The following PABIR3 variants were observed in gnomAD, a reference collection of about 807,000 sequenced individuals.
The protein encoded by PABIR3 is PABIR family member 1.
Under a neutral mutation model 23.1 loss-of-function variants are expected in PABIR3, and 20 were observed. The ratio of observed to expected loss-of-function variants is 0.86; its 90% CI spans 0.61 to 1.26. The LOEUF is 1.26. PABIR3 is among the 50% of genes most tolerant of loss of function. The probability of loss-of-function intolerance (pLI) is 0.00; values close to 1 mark genes in which losing one functional copy is unlikely to be tolerated. For synonymous variants in PABIR3, 69 were observed against 68.5 expected (o/e 1.01, Z -0.04); for missense variants, 189 against 195.4 (o/e 0.97, Z 0.20).
chrX:134,803,905 G>GT (rs766676054), upstream of PABIR3, among the ~76,000 whole-genome samples: 1,060 of 98,608 alleles, frequency 0.011, 16 homozygotes, highest in African/African-American at 0.025. Context: ...TTGCCTGCTA[G>GT]TTTTTTTTTT....
rs755847156 is a variant in PABIR3 at position 134,834,943 on chromosome X, A to G, written c.246+5661A>G. Among the ~76,000 whole-genome samples the G allele has an allele frequency of 6.2e-5, 7 of 112,182 alleles. No homozygotes were observed. In the East Asian group the frequency reaches 1.9e-3, roughly 31 times the overall value. Reference sequence around the variant, plus strand: ...GTTTTTTGTTCCATGCCTCTTATTTATTGAAGAAACCAGGGAGTCCATTTG... The same window carrying G: ...GTTTTTTGTTCCATGCCTCTTATTTGTTGAAGAAACCAGGGAGTCCATTTG... On this transcript the variant is annotated intron_variant, in intron 4 of 10. Transcript: ENST00000645433.
intron 1 of PABIR3, chrX:134,799,899 C>T (rs189161768): frequency 0.015 from 1,637 of 108,797 alleles, 11 homozygotes; most frequent in Non-Finnish European, 0.023. Flanking sequence ...ACCTGGGAGG[C>T]GGAGGTTGCA....
At chrX:134,844,706 T>C (rs1569460627) in intron 4 of PABIR3, among the ~76,000 whole-genome samples, 1 of 111,878 alleles carries the variant, frequency 8.9e-6, no homozygotes, top group East Asian at 2.8e-4. Flanking sequence ...TATGTAATAG[T>C]TGTTTTCTGA....
chrX:134,857,623 G>A (rs1268603101), downstream of PABIR3, among the ~76,000 whole-genome samples: 12 of 110,594 alleles, frequency 1.1e-4, no homozygotes, highest in Admixed American at 9.7e-4. Flanking sequence ...CCTATAACTC[G>A]TCTTAAAAAT....
intron 3 of PABIR3, among the ~76,000 whole-genome samples, chrX:134,823,728 G>A (rs1422694872): frequency 9.0e-6 from 1 of 110,845 alleles, no homozygotes; most frequent in African/African-American, 3.3e-5. Context: ...GTTATTAAAG[G>A]GAAACACTGA....
chrX:134,845,000 G>A (rs1317185447), intron 4 of PABIR3, among the ~76,000 whole-genome samples: 1 of 112,083 alleles, frequency 8.9e-6, no homozygotes, highest in African/African-American at 3.2e-5. Context: ...CTGATGTACT[G>A]TAATGCATAA....
chrX:134,843,245 G>GT (rs1411923552), intron 4 of PABIR3, among the ~76,000 whole-genome samples: 6 of 110,429 alleles, frequency 5.4e-5, no homozygotes, highest in East Asian at 2.8e-4. Context: ...CAGTTTATCT[G>GT]TTTTTTTTCT....
At chrX:134,817,870 A>G (rs2081068074) in intron 3 of PABIR3, among the ~76,000 whole-genome samples, 1 of 111,261 alleles carries the variant, frequency 9.0e-6, no homozygotes, top group Non-Finnish European at 1.9e-5. Context: ...CTGGCTGCAG[A>G]GTGGAAAGTG....
chrX:134,824,061 A>T (rs1207424960), intron 3 of PABIR3, among the ~76,000 whole-genome samples: 1 of 111,713 alleles, frequency 9.0e-6, no homozygotes, highest in African/African-American at 3.3e-5. Flanking sequence ...ATGTGCACAA[A>T]CATTAGCTTA....
chrX:134,814,802 T>A lies in PABIR3; in HGVS notation c.142T>A (p.Leu48Ile), dbSNP rs1305514903. 8.3e-7 allele frequency: 1 copy of A among 1,202,311 alleles called. No individual in the cohort carries two copies. Among genetic ancestry groups the A allele is most frequent in the South Asian group, 1.8e-5 (1 of 55,031 alleles). The change falls in exon 3 of 11, where the codon TTA (leucine) becomes ATA (isoleucine). Residue 48 changes from leucine to isoleucine, a missense_variant. Physicochemically the swap from Leu to Ile is conservative, Grantham distance 5. Transcript: ENST00000645433. ...TTCACAGGTGTTGCAAGCTGACATG[T>A]TAAGAATTAGGACAAACAGAACAAC... ...FNSQVLQADM[L>I]RIRTNRTTFR... is the part of the protein sequence containing the mutation.
At chrX:134,855,013 C>T (rs2082739635), downstream of PABIR3, among the ~76,000 whole-genome samples, 1 of 111,447 alleles carries the variant, frequency 9.0e-6, no homozygotes, top group Non-Finnish European at 1.9e-5. Context: ...TATGTCAGGG[C>T]TTTTCTGCGA....
At chrX:134,847,319 A>T in intron 6 of PABIR3, 64 bp from the exon 7 acceptor site, 1 of 834,927 alleles carries the variant, frequency 1.2e-6, no homozygotes, top group African/African-American at 2.0e-5. Context: ...TGCAACAGGT[A>T]TCTCAAGTAT....
downstream of PABIR3, among the ~76,000 whole-genome samples, chrX:134,857,274 T>C (rs2082755066): frequency 9.0e-6 from 1 of 110,888 alleles, no homozygotes; most frequent in Admixed American, 9.6e-5. Context: ...TCTCCTTGCT[T>C]TTGGTGGTTG....
chrX:134,803,974 T>C (rs758338433), upstream of PABIR3: 15 of 204,686 alleles, frequency 7.3e-5, no homozygotes, highest in East Asian at 1.4e-3. Flanking sequence ...GGTTTGTAGA[T>C]TTGGGTTTGA....
chrX:134,830,325 CT>C (rs766717674), intron 4 of PABIR3, among the ~76,000 whole-genome samples: 282 of 62,506 alleles, frequency 4.5e-3, no homozygotes, highest in East Asian at 0.017. Context: ...GGTTTTTTTC[CT>C]TTTTTTTTTT....
At chrX:134,821,074 A>ATG (rs200024478) in intron 3 of PABIR3, among the ~76,000 whole-genome samples, 140 of 92,953 alleles carry the variant, frequency 1.5e-3, no homozygotes, top group African/African-American at 5.7e-3. Context: ...TTTATATTAT[A>ATG]TGTGTGTGTG....
chrX:134,810,858 C>T (rs1328137921), intron 2 of PABIR3: 2 of 750,553 alleles, frequency 2.7e-6, no homozygotes, highest in East Asian at 1.5e-4. Context: ...AGTTCAGAGA[C>T]TCCAGTCCCT....
chrX:134,802,874 C>T (rs1407357792), upstream of PABIR3, among the ~76,000 whole-genome samples: 2 of 112,698 alleles, frequency 1.8e-5, no homozygotes, highest in African/African-American at 6.4e-5. Context: ...TCTGAAGTCT[C>T]ACAGAATCGT....
chrX:134,798,238 G>A (rs956515488), intron 1 of PABIR3, among the ~76,000 whole-genome samples: 32 of 112,645 alleles, frequency 2.8e-4, no homozygotes, highest in African/African-American at 9.0e-4. Context: ...AGTGGTGCAG[G>A]TGCTAAAGAA....
Sources: gnomAD v4.1 joint callset for allele counts (sites outside exome capture counted in the v4.1 genomes callset) on GRCh38, gnomAD v4.1.1 for gene constraint, MANE v1.5 for transcripts, NCBI Gene and HGNC (gene_info 2026-07-23, HGNC 2026-07-21) for gene names.